The following TMEM178B variants were observed in gnomAD, a reference collection of about 807,000 sequenced individuals.
TMEM178B encodes the protein transmembrane protein 178B.
Under a neutral mutation model 31.0 loss-of-function variants are expected in TMEM178B, and 5 were observed. The observed-to-expected ratio is 0.16, with a 90% CI of 0.08 to 0.34. The LOEUF is 0.34. Ranked by LOEUF, TMEM178B falls within the 10% of genes least tolerant of loss-of-function variation. The probability of loss-of-function intolerance (pLI) is 1.00; values close to 1 mark genes in which losing one functional copy is unlikely to be tolerated. For missense variants in TMEM178B, 275 were observed against 400.3 expected (o/e 0.69, Z 2.67); for synonymous variants, 164 against 164.0 (o/e 1.00, Z 0.00).
intron 2 of TMEM178B, among the ~76,000 whole-genome samples, chr7:141,332,536 C>G (rs557195304): frequency 1.4e-4 from 22 of 152,314 alleles, no homozygotes; most frequent in East Asian, 1.4e-3. Flanking sequence ...ATCGTCCATT[C>G]CTCTAGCTCC....
chr7:141,184,604 G>C (rs896514001), intron 1 of TMEM178B, among the ~76,000 whole-genome samples: 2 of 152,144 alleles, frequency 1.3e-5, no homozygotes, highest in African/African-American at 2.4e-5. Context: ...TGGGTGTGTG[G>C]CAATGTCTTG....
At chr7:141,160,253 T>G (rs1796147206) in intron 1 of TMEM178B, among the ~76,000 whole-genome samples, 1 of 152,076 alleles carries the variant, frequency 6.6e-6, no homozygotes, top group African/African-American at 2.4e-5. Context: ...ATCCTTCTTA[T>G]GTGAGGTGAT....
At chr7:141,197,895 A>G (rs1368742649) in intron 1 of TMEM178B, among the ~76,000 whole-genome samples, 1 of 152,202 alleles carries the variant, frequency 6.6e-6, no homozygotes, top group Non-Finnish European at 1.5e-5. Context: ...GGCCTCCCAC[A>G]GTGCTGGGAT....
chr7:141,401,618 C>G (rs6979552), intron 2 of TMEM178B, among the ~76,000 whole-genome samples: 1 of 151,862 alleles, frequency 6.6e-6, no homozygotes, highest in Non-Finnish European at 1.5e-5. Context: ...GATGGAGTTA[C>G]GGTATGTTGC....
chr7:141,486,075 A>G, the TMEM178B span, among the ~76,000 whole-genome samples: 1 of 152,266 alleles, frequency 6.6e-6, no homozygotes, highest in Non-Finnish European at 1.5e-5. Flanking sequence ...AGCCATAAAA[A>G]GAATGAAATC....
chr7:141,163,164 T>C (rs1197502427), intron 1 of TMEM178B, among the ~76,000 whole-genome samples: 2 of 152,238 alleles, frequency 1.3e-5, no homozygotes, highest in African/African-American at 4.8e-5. Flanking sequence ...GATGAGAGCC[T>C]GCCTGAGGTG....
chr7:141,282,784 G>A (rs932082926), intron 2 of TMEM178B, among the ~76,000 whole-genome samples: 2 of 152,172 alleles, frequency 1.3e-5, no homozygotes. Context: ...ATGAACACTT[G>A]AAGATGCAGG....
chr7:141,401,589 A>T (rs6960987), intron 2 of TMEM178B, among the ~76,000 whole-genome samples: 5,642 of 143,956 alleles, frequency 0.039, 161 homozygotes, highest in African/African-American at 0.095. Context: ...CTATTTTTTT[A>T]TTTTTTTATT....
intron 1 of TMEM178B, among the ~76,000 whole-genome samples, chr7:141,089,192 A>G (rs1356975262): frequency 6.6e-6 from 1 of 152,232 alleles, no homozygotes; most frequent in East Asian, 1.9e-4. Context: ...CCAGAAGCCT[A>G]AAGGAGGCAG....
At position 141,437,713 on chromosome 7, in the gene TMEM178B, A is replaced by T. The variant is rs1398740800; in HGVS notation, c.602A>T (p.Gln201Leu). The change falls in exon 3 of 4, where the codon CAG becomes CTG. Residue 201 changes from glutamine (Q) to leucine (L), a missense_variant. Transcript: ENST00000565468. ...TGCTGCTGGGACCGAGGCCTTATGC[A>T]GTACGTGGCAGGGCTGCTCTTCCTC... ...LGCCWDRGLMQYVAGLLFLMG... is the reference protein window; with the variant it reads ...LGCCWDRGLMLYVAGLLFLMG... The T allele has an allele frequency of 2.0e-6, 3 of 1,536,002 alleles. No homozygotes were observed. Among genetic ancestry groups the T allele is most frequent in the Non-Finnish European group, 2.6e-6 (3 of 1,146,882 alleles).
chr7:141,115,944 AAAAT>A (rs1020693724), intron 1 of TMEM178B, among the ~76,000 whole-genome samples: 1 of 152,256 alleles, frequency 6.6e-6, no homozygotes, highest in Non-Finnish European at 1.5e-5. Context: ...TTACACGTTA[AAAAT>A]AAATAAAATG....
At chr7:141,105,955 C>T (rs1489577635) in intron 1 of TMEM178B, among the ~76,000 whole-genome samples, 1 of 151,568 alleles carries the variant, frequency 6.6e-6, no homozygotes, top group Non-Finnish European at 1.5e-5. Context: ...ATTAGCCGGG[C>T]GTGGTAGTGC....
At chr7:141,235,751 G>A (rs1410785752) in intron 2 of TMEM178B, among the ~76,000 whole-genome samples, 1 of 152,202 alleles carries the variant, frequency 6.6e-6, no homozygotes, top group Non-Finnish European at 1.5e-5. Flanking sequence ...GGTACATGAT[G>A]GAGAGGATAC....
intron 1 of TMEM178B, among the ~76,000 whole-genome samples, chr7:141,176,456 G>A (rs1445555389): frequency 6.6e-6 from 1 of 152,200 alleles, no homozygotes; most frequent in African/African-American, 2.4e-5. Flanking sequence ...TTGGTGTCAG[G>A]ATGATGCTGG....
At chr7:141,486,757 T>G in the TMEM178B span, among the ~76,000 whole-genome samples, 1 of 152,188 alleles carries the variant, frequency 6.6e-6, no homozygotes, top group Non-Finnish European at 1.5e-5. Flanking sequence ...GGATGGAGCA[T>G]TGACCAGAAC....
intron 1 of TMEM178B, among the ~76,000 whole-genome samples, chr7:141,139,167 A>G (rs1795726269): frequency 6.6e-6 from 1 of 152,208 alleles, no homozygotes; most frequent in South Asian, 2.1e-4. Flanking sequence ...TTTAAAAGAC[A>G]TTTTTAAAGT....
chr7:141,439,637 C>T (rs1387194477), intron 3 of TMEM178B, among the ~76,000 whole-genome samples: 1 of 152,142 alleles, frequency 6.6e-6, no homozygotes, highest in African/African-American at 2.4e-5. Flanking sequence ...CTCTCTAAGA[C>T]TCTTTTGGAT....
At chr7:141,285,649 G>T (rs1007391415) in intron 2 of TMEM178B, among the ~76,000 whole-genome samples, 8 of 152,118 alleles carry the variant, frequency 5.3e-5, no homozygotes, top group Non-Finnish European at 1.0e-4. Context: ...GCACACGTAT[G>T]TTTATTGCAG....
At chr7:141,298,455 C>T (rs936183501) in intron 2 of TMEM178B, among the ~76,000 whole-genome samples, 6 of 152,130 alleles carry the variant, frequency 3.9e-5, no homozygotes, top group African/African-American at 9.7e-5. Context: ...AAGCTGGGCC[C>T]GATTATCTTC....
Sources: allele counts gnomAD v4.1 joint callset (sites outside exome capture counted in the v4.1 genomes callset), GRCh38; gene constraint gnomAD v4.1.1; transcripts MANE v1.5; gene names NCBI Gene and HGNC (gene_info 2026-07-23, HGNC 2026-07-21).